Variants in CORO2A observed in about 807,000 individuals in gnomAD.
CORO2A encodes the protein coronin-2A.
CORO2A carries 47 observed loss-of-function variants against 62.4 expected under a neutral mutation model. That is an observed-to-expected ratio of 0.75 (90% CI 0.60 to 0.96). CORO2A has a LOEUF of 0.96. Among genes scored for constraint, CORO2A ranks in the 40% least tolerant of loss-of-function variants. CORO2A has a pLI of 0.00. For missense variants in CORO2A, 610 were observed against 684.1 expected (o/e 0.89, Z 1.21); for synonymous variants, 273 against 268.9 (o/e 1.02, Z -0.15).
intron 1 of CORO2A, among the ~76,000 whole-genome samples, chr9:98,179,947 G>A (rs1361170261): frequency 6.6e-6 from 1 of 152,122 alleles, no homozygotes; most frequent in Admixed American, 6.6e-5. Flanking sequence ...AGGTTGCAGT[G>A]AGCCGAGATC....
In CORO2A at chr9:98,134,973, G is replaced by C. The variant is rs752473914; in HGVS notation, c.319-18C>G. 2 of 1,612,288 alleles carry C rather than the reference G, an allele frequency of 1.2e-6. No individual in the cohort carries two copies. Among genetic ancestry groups the C allele is most frequent in the Admixed American group, 3.3e-5 (2 of 59,856 alleles). Reference sequence around the variant, plus strand: ...ATCTTAATCTGGCAGGGGAGACAGGGCCCAAGGCAGCATTAGCCAGGGCAC... The same window carrying C: ...ATCTTAATCTGGCAGGGGAGACAGGCCCCAAGGCAGCATTAGCCAGGGCAC... On this transcript the variant is annotated intron_variant, in intron 3 of 11. Coordinates refer to ENST00000375077, the MANE Select transcript of CORO2A (RefSeq NM_052820.4).
At chr9:98,188,434 A>G (rs1355947582) in intron 1 of CORO2A, among the ~76,000 whole-genome samples, 2 of 152,090 alleles carry the variant, frequency 1.3e-5, no homozygotes, top group East Asian at 1.9e-4. Flanking sequence ...ATTTTGTTTA[A>G]TATCAGCGCC....
chr9:98,189,677 C>T (rs1828281024), intron 1 of CORO2A, among the ~76,000 whole-genome samples: 1 of 150,684 alleles, frequency 6.6e-6, no homozygotes, highest in Non-Finnish European at 1.5e-5. Flanking sequence ...CAAGGTCACA[C>T]AGTAGGGAAG....
chr9:98,171,859 A>G (rs1828041052), intron 1 of CORO2A, among the ~76,000 whole-genome samples: 1 of 151,974 alleles, frequency 6.6e-6, no homozygotes, highest in African/African-American at 2.4e-5. Flanking sequence ...CACCTGAGAC[A>G]GTGGGGAGGC....
intron 1 of CORO2A, among the ~76,000 whole-genome samples, chr9:98,192,329 C>T (rs563023893): frequency 6.6e-6 from 1 of 152,216 alleles, no homozygotes; most frequent in Non-Finnish European, 1.5e-5. Context: ...CCAACAACCC[C>T]GCGAGAAGGG....
intron 10 of CORO2A, 72 bp downstream of exon 10, chr9:98,128,098 C>A: frequency 6.3e-6 from 8 of 1,269,740 alleles, no homozygotes; most frequent in Non-Finnish European, 7.9e-6. Flanking sequence ...CAACCCCTCT[C>A]AATTGCTTGG....
chr9:98,163,160 T>C (rs79490560), intron 1 of CORO2A, among the ~76,000 whole-genome samples: 4,105 of 152,336 alleles, frequency 0.027, 184 homozygotes, highest in African/African-American at 0.094. Flanking sequence ...GATGTAGTCA[T>C]CTCTGGGTTT....
intron 2 of CORO2A, among the ~76,000 whole-genome samples, chr9:98,148,299 G>C (rs1189462898): frequency 1.3e-5 from 2 of 150,866 alleles, no homozygotes; most frequent in Non-Finnish European, 2.9e-5. Flanking sequence ...GGAGGCTGAG[G>C]CAGGAGAGTT....
chr9:98,141,344 T>C (rs1240508203), intron 2 of CORO2A, among the ~76,000 whole-genome samples: 4 of 109,690 alleles, frequency 3.6e-5, no homozygotes, highest in Admixed American at 1.7e-4. Flanking sequence ...ATGGGACCAC[T>C]GACCCTTTTT....
intron 1 of CORO2A, among the ~76,000 whole-genome samples, chr9:98,184,552 T>C (rs1415221735): frequency 1.3e-5 from 2 of 152,204 alleles, no homozygotes; most frequent in South Asian, 2.1e-4. Context: ...GGTTTCTTCA[T>C]GGCGGCCCCA....
intron 2 of CORO2A, among the ~76,000 whole-genome samples, chr9:98,156,518 T>C (rs1017895992): frequency 1.3e-5 from 2 of 152,254 alleles, no homozygotes; most frequent in African/African-American, 2.4e-5. Context: ...ATTTTGTTTA[T>C]GGCCTATAAA....
chr9:98,175,116 G>A (rs1466339471), intron 1 of CORO2A, among the ~76,000 whole-genome samples: 4 of 152,116 alleles, frequency 2.6e-5, no homozygotes, highest in Non-Finnish European at 5.9e-5. Context: ...TGACCTTAGA[G>A]TTGGTCCCTG....
At chr9:98,181,394 T>G (rs1828175800) in intron 1 of CORO2A, among the ~76,000 whole-genome samples, 1 of 150,092 alleles carries the variant, frequency 6.7e-6, no homozygotes, top group African/African-American at 2.5e-5. Flanking sequence ...CAGGCTGGTC[T>G]GGAACTCCTG....
At chr9:98,148,134 T>C (rs2985029) in intron 2 of CORO2A, among the ~76,000 whole-genome samples, 98,854 of 149,066 alleles carry the variant, frequency 0.66, 33,097 homozygotes, top group African/African-American at 0.75. Flanking sequence ...GTGGTTCATG[T>C]CTGTAATCCC....
intron 1 of CORO2A, among the ~76,000 whole-genome samples, chr9:98,187,615 A>G (rs1377314125): frequency 6.6e-6 from 1 of 152,096 alleles, no homozygotes; most frequent in African/African-American, 2.4e-5. Context: ...CTGTGTCCTC[A>G]TGTGGTGGAG....
In CORO2A at chr9:98,121,957, T is replaced by A. The variant is rs1430195462; in HGVS notation, c.*2817A>T. On this transcript the variant is annotated 3_prime_UTR_variant, in exon 12 of 12. Coordinates refer to ENST00000375077, the MANE Select transcript of CORO2A (RefSeq NM_052820.4). ...TGCATCAGACGGGAGTGAGCCCCAG[T>A]GACTGAGTAAATGGAGAATAAGACA... 6.6e-6 allele frequency: 1 copy of A among 152,048 alleles called. No individual in the cohort carries two copies. Among genetic ancestry groups the A allele is most frequent in the African/African-American group, 2.4e-5 (1 of 41,374 alleles). 9.4% of individuals were successfully genotyped at this position (152,048 alleles called of 1,614,324 possible). A position where few individuals can be genotyped will look rare whatever the true frequency, so the allele number is the denominator to read the frequency against.
At chr9:98,147,618 C>T (rs1396605074) in intron 2 of CORO2A, among the ~76,000 whole-genome samples, 1 of 152,130 alleles carries the variant, frequency 6.6e-6, no homozygotes, top group Non-Finnish European at 1.5e-5. Flanking sequence ...ACACAGGATG[C>T]CCAGTAAAAT....
At chr9:98,132,936 A>G (rs1827429423) in intron 5 of CORO2A, 102 bp downstream of exon 5, 1 of 1,345,762 alleles carries the variant, frequency 7.4e-7, no homozygotes, top group South Asian at 1.3e-5. Context: ...GGCGCAGCCC[A>G]GACGCTGACA....
rs993617176 is a variant in CORO2A, at chr9:98,125,709, A to ATTT, written c.1447-807_1447-805dup. 5.1e-3 allele frequency among the ~76,000 whole-genome samples: 455 copies of ATTT among 89,594 alleles called. 56 individuals carry two copies. Among genetic ancestry groups the ATTT allele is most frequent in the African/African-American group, 0.011 (241 of 21,352 alleles). 58.8% of individuals were successfully genotyped at this position (89,594 alleles called of 152,430 possible). A position where few individuals can be genotyped will look rare whatever the true frequency, so the allele number is the denominator to read the frequency against. ...TCCATTTTACAGATGGTTTCCCACC[A>ATTT]TTTTTTTTTTTTTTTTTTTTTTTTT... On this transcript the variant is annotated intron_variant, in intron 11 of 11. Transcript: ENST00000375077.
Sources: allele counts gnomAD v4.1 joint callset (sites outside exome capture counted in the v4.1 genomes callset), GRCh38; gene constraint gnomAD v4.1.1; transcripts MANE v1.5; gene names NCBI Gene and HGNC (gene_info 2026-07-23, HGNC 2026-07-21).